Variants in SHISA9 observed in about 807,000 individuals in gnomAD.
The protein encoded by SHISA9 is protein shisa-9.
In SHISA9, 13 loss-of-function variants were observed where a neutral mutation model predicts 38.0. The observed-to-expected ratio is 0.34, with a 90% CI of 0.22 to 0.54. The LOEUF (loss-of-function observed/expected upper bound fraction) is 0.54, where lower values mean the gene tolerates loss of function less well. Among genes scored for constraint, SHISA9 ranks in the 20% least tolerant of loss-of-function variants. SHISA9 has a pLI of 0.91. For missense variants in SHISA9, 538 were observed against 575.8 expected, an observed-to-expected ratio of 0.93 and a Z score of 0.67; for synonymous variants, 275 against 242.0, an observed-to-expected ratio of 1.14 and a Z score of -1.27.
At chr16:13,393,690 G>C in the SHISA9 span, among the ~76,000 whole-genome samples, 1 of 151,812 alleles carries the variant, frequency 6.6e-6, no homozygotes. Flanking sequence ...TGTGAGCCTT[G>C]GCTTAGGTAG....
the SHISA9 span, among the ~76,000 whole-genome samples, chr16:13,491,313 C>G: frequency 6.6e-6 from 1 of 151,634 alleles, no homozygotes; most frequent in Non-Finnish European, 1.5e-5. Context: ...CTAGAAAACA[C>G]TGATTACCAT....
chr16:13,104,189 C>G (rs921573083), intron 2 of SHISA9, among the ~76,000 whole-genome samples: 1 of 152,112 alleles, frequency 6.6e-6, no homozygotes, highest in Non-Finnish European at 1.5e-5. Context: ...TCAGTCATGT[C>G]TGAATTCCAG....
intron 2 of SHISA9, among the ~76,000 whole-genome samples, chr16:12,986,167 A>G (rs1164479604): frequency 4.6e-5 from 7 of 152,220 alleles, no homozygotes; most frequent in Admixed American, 3.3e-4. Context: ...TTAAGGATCT[A>G]CTTCTACAGA....
chr16:13,199,792 T>C (rs1372819298), intron 2 of SHISA9, among the ~76,000 whole-genome samples: 1 of 152,088 alleles, frequency 6.6e-6, no homozygotes, highest in African/African-American at 2.4e-5. Flanking sequence ...GGTATTGGGA[T>C]TGGTTTGATT....
chr16:13,372,500 A>G, the SHISA9 span, among the ~76,000 whole-genome samples: 5 of 152,196 alleles, frequency 3.3e-5, no homozygotes, highest in African/African-American at 9.6e-5. Context: ...ATGGCCCACC[A>G]TAACTCCTAC....
At chr16:13,038,630 C>T (rs1451138432) in intron 2 of SHISA9, among the ~76,000 whole-genome samples, 1 of 152,210 alleles carries the variant, frequency 6.6e-6, no homozygotes, top group Non-Finnish European at 1.5e-5. Context: ...GATTTCAGCT[C>T]AATCATTTCC....
At chr16:13,513,350 G>A in the SHISA9 span, among the ~76,000 whole-genome samples, 1 of 152,198 alleles carries the variant, frequency 6.6e-6, no homozygotes, top group Non-Finnish European at 1.5e-5. Flanking sequence ...AGATGCTGGC[G>A]AGGCTGTGGA....
At chr16:13,272,115 A>T in the SHISA9 span, among the ~76,000 whole-genome samples, 1 of 152,028 alleles carries the variant, frequency 6.6e-6, no homozygotes, top group Non-Finnish European at 1.5e-5. Flanking sequence ...ATGTTCTAAA[A>T]CTGATTTATG....
At chr16:13,123,024 G>A (rs1372985942) in intron 2 of SHISA9, among the ~76,000 whole-genome samples, 2 of 152,086 alleles carry the variant, frequency 1.3e-5, no homozygotes, top group Non-Finnish European at 2.9e-5. Context: ...CCCAGCCTGG[G>A]CGACAGAGCA....
chr16:13,038,921 A>G, intron 2 of SHISA9, among the ~76,000 whole-genome samples: 1 of 152,092 alleles, frequency 6.6e-6, no homozygotes, highest in Non-Finnish European at 1.5e-5. Context: ...CAATATTATT[A>G]TTTTTTGAGA....
At chr16:13,338,721 C>A in the SHISA9 span, among the ~76,000 whole-genome samples, 4 of 152,118 alleles carry the variant, frequency 2.6e-5, no homozygotes, top group African/African-American at 9.7e-5. Flanking sequence ...TACCTCTGAG[C>A]CTGTTACAGA....
chr16:13,275,299 A>G, the SHISA9 span, among the ~76,000 whole-genome samples: 3 of 152,268 alleles, frequency 2.0e-5, no homozygotes, highest in African/African-American at 7.2e-5. Flanking sequence ...GCCTGGATAT[A>G]GAAATAAAAG....
chr16:13,273,845 A>T, the SHISA9 span, among the ~76,000 whole-genome samples: 1 of 152,198 alleles, frequency 6.6e-6, no homozygotes, highest in Non-Finnish European at 1.5e-5. Context: ...TAAGATTTTC[A>T]TGAATTATCA....
At chr16:12,942,811 T>G (rs1343290803) in intron 2 of SHISA9, among the ~76,000 whole-genome samples, 5 of 152,216 alleles carry the variant, frequency 3.3e-5, no homozygotes, top group Admixed American at 6.5e-5. Flanking sequence ...TATGCCGTAG[T>G]CTTTTAGGCT....
the SHISA9 span, among the ~76,000 whole-genome samples, chr16:13,384,653 T>C: frequency 8.5e-5 from 13 of 152,168 alleles, no homozygotes; most frequent in African/African-American, 2.9e-4. Flanking sequence ...AGTCCATAGG[T>C]TATGTCTGGC....
intron 2 of SHISA9, among the ~76,000 whole-genome samples, chr16:13,170,981 TAAAAA>T (rs902145972): frequency 1.3e-5 from 2 of 151,720 alleles, no homozygotes; most frequent in East Asian, 1.9e-4. Context: ...AAGGAAAAAA[TAAAAA>T]AAGAAAAAGA....
chr16:13,204,134 T>TTATC (rs60916250), intron 3 of SHISA9, among the ~76,000 whole-genome samples: 42,056 of 149,130 alleles, frequency 0.28, 6,024 homozygotes, highest in Admixed American at 0.32. Flanking sequence ...TAACTACCTA[T>TTATC]TATCTATCTA....
intron 2 of SHISA9, among the ~76,000 whole-genome samples, chr16:12,930,617 G>A (rs916680742): frequency 5.3e-5 from 8 of 152,028 alleles, no homozygotes; most frequent in Admixed American, 4.6e-4. Context: ...GAGGGAATTG[G>A]GTGTGTTTAA....
the SHISA9 span, among the ~76,000 whole-genome samples, chr16:13,352,461 C>T: frequency 4.9e-4 from 74 of 152,032 alleles, 1 homozygote; most frequent in African/African-American, 1.7e-3. Flanking sequence ...CAGTGGTTGC[C>T]GTAGGGAGAT....
Sources: allele counts gnomAD v4.1 joint callset (sites outside exome capture counted in the v4.1 genomes callset), GRCh38; gene constraint gnomAD v4.1.1; transcripts MANE v1.5; gene names NCBI Gene and HGNC (gene_info 2026-07-23, HGNC 2026-07-21).